The following FAM169A variants were observed in gnomAD, a reference collection of about 807,000 sequenced individuals.
FAM169A encodes the protein family with sequence similarity 169 member A.
In FAM169A, 24 loss-of-function variants were observed where a neutral mutation model predicts 75.7. The ratio of observed to expected loss-of-function variants is 0.32; its 90% confidence interval spans 0.23 to 0.45. The LOEUF (loss-of-function observed/expected upper bound fraction) is 0.45, where lower values mean the gene tolerates loss of function less well. Ranked by LOEUF, FAM169A falls within the 20% of genes least tolerant of loss-of-function variation. The probability of loss-of-function intolerance (pLI) is 1.00; values close to 1 mark genes in which losing one functional copy is unlikely to be tolerated. For missense variants in FAM169A, 673 were observed against 784.0 expected (o/e 0.86, Z 1.69); for synonymous variants, 271 against 271.0 (o/e 1.00, Z 0.00).
intron 5 of FAM169A, among the ~76,000 whole-genome samples, chr5:74,832,243 AAAC>A (rs1748348964): frequency 1.3e-5 from 2 of 152,050 alleles, no homozygotes; most frequent in Admixed American, 6.6e-5. Flanking sequence ...CAGTAGAAAA[AAAC>A]AACCAAAAAA....
chr5:74,825,615 A>G (rs775065253), intron 5 of FAM169A, among the ~76,000 whole-genome samples: 5 of 152,118 alleles, frequency 3.3e-5, no homozygotes, highest in African/African-American at 4.8e-5. Flanking sequence ...TAAAAGGTAA[A>G]TTGTTTTAAG....
intron 10 of FAM169A, among the ~76,000 whole-genome samples, chr5:74,797,667 T>TA (rs1746350349): frequency 6.6e-6 from 1 of 152,222 alleles, no homozygotes; most frequent in Non-Finnish European, 1.5e-5. Context: ...GCACTAGCCA[T>TA]ACTTCAAGTG....
chr5:74,845,795 G>A (rs1813646), intron 1 of FAM169A, among the ~76,000 whole-genome samples: 3,145 of 152,262 alleles, frequency 0.021, 108 homozygotes, highest in African/African-American at 0.072. Flanking sequence ...AGGAGCTTAT[G>A]CAAGTAAGAT....
chr5:74,832,747 A>C (rs1288079772), intron 5 of FAM169A, among the ~76,000 whole-genome samples: 1 of 151,702 alleles, frequency 6.6e-6, no homozygotes, highest in African/African-American at 2.4e-5. Flanking sequence ...AAAATATTTA[A>C]ATTATGTTTA....
chr5:74,786,161 C>T (rs928518679), intron 11 of FAM169A, among the ~76,000 whole-genome samples: 13 of 152,230 alleles, frequency 8.5e-5, no homozygotes, highest in Admixed American at 6.5e-5. Flanking sequence ...CCAGGTTCTT[C>T]AGCTTCAGGA....
chr5:74,841,364 T>G (rs1463134316), intron 2 of FAM169A, among the ~76,000 whole-genome samples, 181 bp downstream of exon 2: 1 of 152,200 alleles, frequency 6.6e-6, no homozygotes, highest in Non-Finnish European at 1.5e-5. Flanking sequence ...AGCAATAACC[T>G]GTGGAGTTTC....
intron 11 of FAM169A, among the ~76,000 whole-genome samples, chr5:74,791,018 T>C (rs2112486528): frequency 6.6e-6 from 1 of 152,326 alleles, no homozygotes; most frequent in Middle Eastern, 3.4e-3. Flanking sequence ...TCCATCATCA[T>C]GCTACTCCAC....
chr5:74,780,587 TTATC>T lies in FAM169A; in HGVS notation c.*869_*872del, dbSNP rs1745364787. ...ATAAAAGTAAAATCTCCAGCTTAAT[TTATC>T]TATCTGATCAGGACCAGAAGTCCAA... On this transcript the variant is annotated 3_prime_UTR_variant, in exon 13 of 13. Coordinates refer to ENST00000687041, the MANE Select transcript of FAM169A (RefSeq NM_001376049.1). The T allele has an allele frequency of 1.3e-5, 2 of 152,194 alleles. No homozygotes were observed. Among genetic ancestry groups the T allele is most frequent in the South Asian group, 2.1e-4 (1 of 4,830 alleles). 9.4% of individuals were successfully genotyped at this position (152,194 alleles called of 1,614,324 possible).
chr5:74,833,026 A>G (rs74732049), intron 5 of FAM169A, among the ~76,000 whole-genome samples: 168 of 152,176 alleles, frequency 1.1e-3, no homozygotes, highest in African/African-American at 3.9e-3. Context: ...CATGCATAAT[A>G]AGAAGAGCAC....
Position 74,796,031 on chromosome 5 carries a change from T to G in FAM169A, c.1259A>C (p.Lys420Thr). ...QPQQEKQDGE[K>T]ESELEPMNGE... The stretch of plus-strand genomic sequence containing the variant: ...TTTGCTGAATAAGTGATCTCATACC[T>G]TTTCACCATCTTGCTTCTCTTGCTG... The change falls in exon 11 of 13, where the codon AAG (lysine) becomes ACG (threonine). Residue 420 changes from lysine to threonine, a missense_variant and splice_region_variant. This residue lies in a region of FAM169A where 510 missense variants were observed against 550.9 expected (regional missense o/e 0.93). Coordinates refer to ENST00000687041, the MANE Select transcript of FAM169A (RefSeq NM_001376049.1). 6.2e-7 allele frequency: 1 copy of G among 1,612,234 alleles called. No homozygotes were observed.
At chr5:74,830,711 T>C (rs1748270239) in intron 5 of FAM169A, among the ~76,000 whole-genome samples, 1 of 152,162 alleles carries the variant, frequency 6.6e-6, no homozygotes, top group Admixed American at 6.5e-5. Context: ...ACATAATTTT[T>C]ACAGTCTGTA....
chr5:74,813,333 A>G (rs1483153137), intron 6 of FAM169A, among the ~76,000 whole-genome samples: 2 of 144,948 alleles, frequency 1.4e-5, no homozygotes, highest in Non-Finnish European at 3.0e-5. Context: ...TTGGTTTGGG[A>G]TTTTTTTTTT....
chr5:74,864,560 G>A (rs992176593), intron 1 of FAM169A, among the ~76,000 whole-genome samples: 2 of 152,182 alleles, frequency 1.3e-5, no homozygotes, highest in Admixed American at 6.5e-5. Flanking sequence ...AATACCACTT[G>A]TAATGACATG....
At chr5:74,846,436 C>T (rs1031504464) in intron 1 of FAM169A, among the ~76,000 whole-genome samples, 9 of 152,170 alleles carry the variant, frequency 5.9e-5, no homozygotes, top group African/African-American at 2.2e-4. Context: ...TTTGATAGAA[C>T]AGCAAGTTCA....
chr5:74,822,537 C>G (rs1747816854), intron 5 of FAM169A, among the ~76,000 whole-genome samples: 3 of 152,158 alleles, frequency 2.0e-5, no homozygotes, highest in Admixed American at 2.0e-4. Context: ...GAGACACTAC[C>G]TTTTGCCAGA....
intron 5 of FAM169A, among the ~76,000 whole-genome samples, chr5:74,825,852 C>T (rs1461548031): frequency 1.3e-5 from 2 of 152,084 alleles, no homozygotes; most frequent in Non-Finnish European, 2.9e-5. Context: ...ATTCCAGATG[C>T]TCTGAAATTT....
At chr5:74,802,248 A>C (rs545539372) in intron 8 of FAM169A, among the ~76,000 whole-genome samples, 1 of 152,080 alleles carries the variant, frequency 6.6e-6, no homozygotes, top group African/African-American at 2.4e-5. Context: ...GCTTTAGTTT[A>C]TATCTTTAGT....
chr5:74,801,461 AT>A, intron 9 of FAM169A, 128 bp downstream of exon 9: 1 of 766,648 alleles, frequency 1.3e-6, no homozygotes, highest in Non-Finnish European at 2.2e-6. Context: ...CCAGATCTAG[AT>A]TTTAGAGCTG....
At chr5:74,812,149 G>C (rs907465586) in intron 6 of FAM169A, among the ~76,000 whole-genome samples, 1 of 152,008 alleles carries the variant, frequency 6.6e-6, no homozygotes, top group Non-Finnish European at 1.5e-5. Context: ...TTTGAGGTAA[G>C]CTCTCAATTT....
Sources: gnomAD v4.1 joint callset for allele counts (sites outside exome capture counted in the v4.1 genomes callset) on GRCh38, gnomAD v4.1.1 for gene constraint, gnomAD v4.1.1 regional missense constraint, MANE v1.5 for transcripts, NCBI Gene and HGNC (gene_info 2026-07-23, HGNC 2026-07-21) for gene names.